DGKQ: variants seen among roughly 807,000 people sequenced by gnomAD.
The protein encoded by DGKQ is diacylglycerol kinase theta, also known as DAG kinase theta.
A neutral mutation model predicts 104.2 loss-of-function variants in DGKQ; 97 were observed. That is an observed-to-expected ratio of 0.93 (90% confidence interval 0.79 to 1.10). The LOEUF is 1.10. Ranked by LOEUF, DGKQ falls within the 50% of genes least tolerant of loss-of-function variation. The pLI, the probability that DGKQ is intolerant of heterozygous loss-of-function variation, is 0.00. For missense variants in DGKQ, 1,465 were observed against 1,352.1 expected (o/e 1.08, Z -1.31); for synonymous variants, 736 against 595.2 (o/e 1.24, Z -3.44).
intron 11 of DGKQ, 41 bp downstream of exon 11, chr4:966,707 G>A (rs1210189218): frequency 2.5e-6 from 4 of 1,582,940 alleles, no homozygotes; most frequent in Non-Finnish European, 2.6e-6. Flanking sequence ...AAACCCAAAA[G>A]GTGCAGGGAC....
chr4:972,962 G>A (rs1713050774), intron 1 of DGKQ, among the ~76,000 whole-genome samples: 1 of 152,224 alleles, frequency 6.6e-6, no homozygotes, highest in Non-Finnish European at 1.5e-5. Flanking sequence ...ATCAGGCACA[G>A]CCCCTGGGTC....
In DGKQ at chr4:961,010, G is replaced by A. The variant is rs199884506; in HGVS notation, c.2727+39C>T. ...GCCACTCCCATGGCCGGCCCAGCCC[G>A]GCCCACCTCCCCTGGCTCTCCAGCC... is the stretch of plus-strand genomic sequence containing the variant. On this transcript the variant is annotated intron_variant, in intron 22 of 22. Coordinates refer to ENST00000273814, the MANE Select transcript of DGKQ (RefSeq NM_001347.4). 8.0e-5 allele frequency: 129 copies of A among 1,605,810 alleles called. No individual in the cohort carries two copies. The East Asian group carries it at 2.1e-3, about 26-fold the overall frequency.
In DGKQ at chr4:971,524, C is replaced by A. The variant is rs960426504; in HGVS notation, c.272-452G>T. Reference sequence around the variant, plus strand: ...ATTGTCCCTGCTACGTGCTGTGCACCGTGCCTGAGACCGAGAGCCACCCAA... The same window carrying A: ...ATTGTCCCTGCTACGTGCTGTGCACAGTGCCTGAGACCGAGAGCCACCCAA... On this transcript the variant is annotated intron_variant, in intron 1 of 22. Coordinates refer to ENST00000273814, the MANE Select transcript of DGKQ (RefSeq NM_001347.4). This position sits in a 1 kb window ranked among gnomAD's most constrained non-coding sequence, Gnocchi z 4.0. Among the ~76,000 whole-genome samples, 1 of 152,154 alleles carries A rather than the reference C, an allele frequency of 6.6e-6. No individual in the cohort carries two copies. Among genetic ancestry groups the A allele is most frequent in the East Asian group, 1.9e-4 (1 of 5,186 alleles).
intron 15 of DGKQ, among the ~76,000 whole-genome samples, chr4:963,855 G>A (rs543628619): frequency 3.3e-5 from 5 of 152,314 alleles, no homozygotes; most frequent in South Asian, 2.1e-4. Flanking sequence ...TAGACACAGC[G>A]GGCTCAGGGC....
intron 8 of DGKQ, 58 bp from the exon 9 acceptor site, chr4:967,419 G>C: frequency 7.5e-7 from 1 of 1,327,894 alleles, no homozygotes; most frequent in Non-Finnish European, 1.0e-6. Flanking sequence ...GGTTCAGTGG[G>C]GGGCAGGTCA....
intron 2 of DGKQ, among the ~76,000 whole-genome samples, chr4:970,493 G>A (rs1389090458): frequency 6.6e-6 from 1 of 152,208 alleles, no homozygotes; most frequent in African/African-American, 2.4e-5. Context: ...ACACCCTCAG[G>A]CACCCAGGCT....
intron 18 of DGKQ, 72 bp downstream of exon 18, chr4:962,363 G>T: frequency 2.1e-6 from 3 of 1,416,088 alleles, no homozygotes; most frequent in South Asian, 1.3e-5. Context: ...GGAAGAGGAC[G>T]CCCGTTGTGA....
intron 13 of DGKQ, among the ~76,000 whole-genome samples, 195 bp downstream of exon 13, chr4:965,733 C>G (rs1417875639): frequency 6.6e-6 from 1 of 152,194 alleles, no homozygotes; most frequent in Non-Finnish European, 1.5e-5. Flanking sequence ...GAGGCAGAGG[C>G]TGAGCACCGC....
chr4:962,193 C>T, intron 18 of DGKQ, 111 bp from the exon 19 acceptor site: 6 of 1,031,876 alleles, frequency 5.8e-6, no homozygotes, highest in Non-Finnish European at 8.7e-6. Flanking sequence ...ACCCTGGCAC[C>T]AAGCCGAGCA....
Position 966,043 on chromosome 4 carries a change from G to A in DGKQ, c.1464C>T (p.Tyr488=), listed in dbSNP as rs779293442. The A allele has an allele frequency of 1.3e-5, 21 of 1,603,466 alleles. No individual in the cohort carries two copies. The highest frequency in any genetic ancestry group is 1.7e-5 in the Admixed American group (1 of 58,540). Residue 488 remains tyrosine, a synonymous_variant, in exon 13 of 23, where the codon TAC becomes TAT. Coordinates refer to ENST00000273814, the MANE Select transcript of DGKQ (RefSeq NM_001347.4). ...SVRQVSQTRF[Y]VAESRDVAPH... ...GGGCTACATCCCTGCTCTCTGCCAC[G>A]TAGAACCGCGTCTGGCTCACCTGCC...
rs115657987 is a variant in DGKQ, at chr4:959,166, G to A, written c.*1454C>T. On this transcript the variant is annotated 3_prime_UTR_variant, in exon 23 of 23. Transcript: ENST00000273814. ...GAGGCCACAAGCGGCCTTACAATGC[G>A]TGTGTCTGTGCAGTTTGGCAGATGC... is the stretch of plus-strand genomic sequence containing the variant. 0.011 allele frequency: 1,657 copies of A among 152,768 alleles called. 10 individuals carry two copies. The highest frequency in any genetic ancestry group is 0.017 in the Non-Finnish European group (1,168 of 68,116). 9.5% of individuals were successfully genotyped at this position (152,768 alleles called of 1,614,324 possible). A position where few individuals can be genotyped will look rare whatever the true frequency, so the allele number is the denominator to read the frequency against.
At position 966,964 on chromosome 4, in the gene DGKQ, C is replaced by A; in HGVS notation, c.1311G>T (p.Gln437His). The change falls in exon 10 of 23, where the codon CAG becomes CAT. Residue 437 changes from glutamine (Q) to histidine (H), a missense_variant and splice_region_variant. Physicochemically the swap from Gln to His is conservative, Grantham distance 24 (BLOSUM62 0). Coordinates refer to ENST00000273814, the MANE Select transcript of DGKQ (RefSeq NM_001347.4). ...VLEVLPLLGRQAESPESFQLV... is the reference protein window; with the variant it reads ...VLEVLPLLGRHAESPESFQLV... ...TGGGGAGCAGGCACAGGGTACGCAC[C>A]TGGCGGCCGAGCAGCGGCAGGACCT... 6.4e-7 allele frequency: 1 copy of A among 1,561,244 alleles called. No homozygotes were observed. The highest frequency in any genetic ancestry group is 1.4e-5 in the African/African-American group (1 of 73,720).
Position 965,379 on chromosome 4 carries a change from C to T in DGKQ, c.1619-88G>A, listed in dbSNP as rs1027581476. ...GAACCAAACCAGGACGTTTCCCCAGCCCAGGGCTGCCCAAGGGAAAGGTCA... is the reference window on the plus strand; with the variant it reads ...GAACCAAACCAGGACGTTTCCCCAGTCCAGGGCTGCCCAAGGGAAAGGTCA... On this transcript the variant is annotated intron_variant, in intron 14 of 22. Coordinates refer to ENST00000273814, the MANE Select transcript of DGKQ (RefSeq NM_001347.4). 3.4e-5 allele frequency: 53 copies of T among 1,548,122 alleles called. 1 individual carries two copies. The highest frequency in any genetic ancestry group is 4.5e-5 in the Non-Finnish European group (51 of 1,133,272).
rs1256023106 is a variant in DGKQ at position 967,999 on chromosome 4, G to T, written c.692C>A (p.Ala231Asp). The T allele has an allele frequency of 6.9e-7, 1 of 1,459,694 alleles. No individual in the cohort carries two copies. Among genetic ancestry groups the T allele is most frequent in the South Asian group, 1.4e-5 (1 of 72,570 alleles). 90.4% of individuals were successfully genotyped at this position (1,459,694 alleles called of 1,614,324 possible). Residue 231 changes from alanine (A) to aspartate (D), a missense_variant, in exon 6 of 23, where the codon GCT becomes GAT. Transcript: ENST00000273814. Reference sequence around the variant, plus strand: ...CAGACGCCCGAAGCCACACTCGGGAGCCAGCGCCGCGGAGCAGAGGGAGTG... The same window carrying T: ...CAGACGCCCGAAGCCACACTCGGGATCCAGCGCCGCGGAGCAGAGGGAGTG... ...QAHSLCSAAL[A>D]PECGFGRLRS... is the part of the protein sequence containing the mutation.
chr4:961,460 G>A lies in DGKQ; in HGVS notation c.2574+7C>T, dbSNP rs753494489. On this transcript the variant is annotated splice_region_variant and intron_variant, in intron 21 of 22. Coordinates refer to ENST00000273814, the MANE Select transcript of DGKQ (RefSeq NM_001347.4). ...GGGCTCGCCCGCCCACTCGGCCGGCGGCTCACCATGTGCACGACGCCCGTC... is the reference window on the plus strand; with the variant it reads ...GGGCTCGCCCGCCCACTCGGCCGGCAGCTCACCATGTGCACGACGCCCGTC... The A allele has an allele frequency of 3.4e-5, 54 of 1,586,116 alleles. No homozygotes were observed. The highest frequency in any genetic ancestry group is 7.0e-5 in the Admixed American group (4 of 57,378).
rs1363697855 is a variant in DGKQ, at chr4:965,494, G to A, written c.1615C>T (p.Gln539Ter). ...CACGTCCCTCAGGGCAGCTCACCTTGGGAGGAGTAGATGTGACTCACGGAC... is the reference window on the plus strand; with the variant it reads ...CACGTCCCTCAGGGCAGCTCACCTTAGGAGGAGTAGATGTGACTCACGGAC... ...VVSVSHIYSS[Q>*]GAVVLDVACF... Residue 539 changes from glutamine to a stop codon, truncating the protein, a stop_gained, in exon 14 of 23, where the codon CAA becomes TAA. Coordinates refer to ENST00000273814, the MANE Select transcript of DGKQ (RefSeq NM_001347.4). LOFTEE classifies it high-confidence loss of function. The A allele has an allele frequency of 1.9e-6, 3 of 1,611,564 alleles. No individual in the cohort carries two copies. The highest frequency in any genetic ancestry group is 1.1e-5 in the South Asian group (1 of 90,618).
At chr4:969,611 CCTT>C (rs1712763367) in intron 2 of DGKQ, among the ~76,000 whole-genome samples, 2 of 121,972 alleles carry the variant, frequency 1.6e-5, no homozygotes, top group African/African-American at 5.3e-5. Flanking sequence ...AAATATATCT[CCTT>C]TTTTTTTTTT....
At chr4:964,552 G>A (rs898884051) in intron 15 of DGKQ, among the ~76,000 whole-genome samples, 2 of 151,330 alleles carry the variant, frequency 1.3e-5, no homozygotes, top group Non-Finnish European at 2.9e-5. Context: ...GCCCTGCCCT[G>A]TCTCCATGTT....
At chr4:966,915 AC>A (rs559760996) in intron 10 of DGKQ, 48 bp downstream of exon 10, 5 of 1,541,392 alleles carry the variant, frequency 3.2e-6, no homozygotes, top group Non-Finnish European at 4.4e-6. Context: ...GGGGACAGCG[AC>A]CCCCCACCGA....
Sources: allele counts gnomAD v4.1 joint callset (sites outside exome capture counted in the v4.1 genomes callset), GRCh38; gene constraint gnomAD v4.1.1; non-coding constraint Gnocchi (gnomAD v3.1); transcripts MANE v1.5; gene names NCBI Gene and HGNC (gene_info 2026-07-23, HGNC 2026-07-21).